SLC2A13: variants seen among roughly 807,000 people sequenced by gnomAD.
The protein encoded by SLC2A13 is proton myo-inositol cotransporter.
Under a neutral mutation model 64.4 loss-of-function variants are expected in SLC2A13, and 32 were observed. That is an observed-to-expected ratio of 0.50 (90% CI 0.37 to 0.67). SLC2A13 has a LOEUF of 0.67. SLC2A13 is among the 30% of genes least tolerant of loss of function. SLC2A13 has a pLI of 0.00. For synonymous variants in SLC2A13, 338 were observed against 327.1 expected (o/e 1.03, Z -0.36); for missense variants, 743 against 829.2 (o/e 0.90, Z 1.28).
intron 2 of SLC2A13, among the ~76,000 whole-genome samples, chr12:40,032,533 A>C (rs1213246790): frequency 6.6e-6 from 1 of 152,202 alleles, no homozygotes; most frequent in African/African-American, 2.4e-5. Context: ...GCTGTCAACA[A>C]AGAACAATCC....
chr12:40,062,504 A>C (rs1948438820), intron 1 of SLC2A13, among the ~76,000 whole-genome samples: 1 of 152,074 alleles, frequency 6.6e-6, no homozygotes, highest in African/African-American at 2.4e-5. Flanking sequence ...ATATCTGAGG[A>C]CTATCAGGAA....
At chr12:39,890,520 T>C (rs1436671777) in intron 4 of SLC2A13, among the ~76,000 whole-genome samples, 1 of 152,092 alleles carries the variant, frequency 6.6e-6, no homozygotes, top group Admixed American at 6.6e-5. Flanking sequence ...AGCATGAGAG[T>C]CTTAATAGTA....
intron 4 of SLC2A13, chr12:39,950,067 A>C (rs1432816051): frequency 6.6e-6 from 1 of 152,256 alleles, no homozygotes; most frequent in Admixed American, 6.5e-5. Context: ...TTGAAGTTCA[A>C]CAGGGATTAT....
chr12:39,962,864 C>A (rs1161144253), intron 3 of SLC2A13, among the ~76,000 whole-genome samples: 2 of 152,166 alleles, frequency 1.3e-5, no homozygotes, highest in African/African-American at 4.8e-5. Context: ...CTTCCCTGAG[C>A]TCCAGGTGTT....
intron 6 of SLC2A13, among the ~76,000 whole-genome samples, chr12:39,834,367 C>T (rs1270678363): frequency 1.3e-5 from 2 of 152,080 alleles, no homozygotes; most frequent in African/African-American, 2.4e-5. Flanking sequence ...CTCTTTTCCT[C>T]CAGGCTCTGA....
At chr12:39,956,693 G>T (rs1946318916) in intron 3 of SLC2A13, among the ~76,000 whole-genome samples, 1 of 152,172 alleles carries the variant, frequency 6.6e-6, no homozygotes, top group Admixed American at 6.5e-5. Flanking sequence ...AACTGCCAAT[G>T]ATGAAGCCCC....
chr12:40,019,777 C>T (rs1176157880), intron 3 of SLC2A13, among the ~76,000 whole-genome samples: 1 of 152,102 alleles, frequency 6.6e-6, no homozygotes, highest in Non-Finnish European at 1.5e-5. Flanking sequence ...CAGTGGGAAT[C>T]ATTTTCAAGG....
intron 3 of SLC2A13, among the ~76,000 whole-genome samples, chr12:39,978,876 A>G (rs1185875751): frequency 6.6e-6 from 1 of 150,916 alleles, no homozygotes; most frequent in Non-Finnish European, 1.5e-5. Flanking sequence ...GGCAGGGCAC[A>G]GACAAACAAA....
chr12:39,763,988 A>G (rs1940256319), intron 9 of SLC2A13, among the ~76,000 whole-genome samples: 1 of 152,134 alleles, frequency 6.6e-6, no homozygotes, highest in South Asian at 2.1e-4. Context: ...AGGTATGGCC[A>G]CAGCACAGCA....
intron 7 of SLC2A13, among the ~76,000 whole-genome samples, chr12:39,793,787 T>C (rs1281396767): frequency 6.6e-6 from 1 of 152,106 alleles, no homozygotes; most frequent in Non-Finnish European, 1.5e-5. Context: ...AAATGCATAA[T>C]TTCTAGGGTC....
intron 3 of SLC2A13, among the ~76,000 whole-genome samples, chr12:39,991,660 C>T (rs1431115339): frequency 4.6e-5 from 7 of 152,210 alleles, no homozygotes; most frequent in Non-Finnish European, 5.9e-5. Context: ...TGGACCCCCA[C>T]CCATCCACAG....
At chr12:39,886,047 T>C (rs1401111183) in intron 4 of SLC2A13, among the ~76,000 whole-genome samples, 2 of 152,212 alleles carry the variant, frequency 1.3e-5, no homozygotes, top group African/African-American at 4.8e-5. Flanking sequence ...CTTCTTCATG[T>C]GTTTAAGCCC....
chr12:39,911,613 T>C (rs1318984716), intron 4 of SLC2A13, among the ~76,000 whole-genome samples: 37 of 152,090 alleles, frequency 2.4e-4, no homozygotes, highest in Admixed American at 2.4e-3. Context: ...CAAATTCACA[T>C]TTTTCCCCTT....
At position 39,803,888 on chromosome 12, in the gene SLC2A13, C is replaced by T. The variant is rs150208818; in HGVS notation, c.1445+26215G>A. On this transcript the variant is annotated intron_variant, in intron 7 of 9. Coordinates refer to ENST00000280871, the MANE Select transcript of SLC2A13 (RefSeq NM_052885.4). ...GAATCTTCATATTTAGGAAGGACAA[C>T]GATCCCTTCCCAAGATAAATAAAAT... Among the ~76,000 whole-genome samples the T allele has an allele frequency of 9.6e-4, 146 of 152,060 alleles. 1 individual carries two copies. Among genetic ancestry groups the T allele is most frequent in the African/African-American group, 3.1e-3 (129 of 41,478 alleles).
At position 40,105,174 on chromosome 12, in the gene SLC2A13, G is replaced by A. The variant is rs1050526401; in HGVS notation, c.556+79C>T. On this transcript the variant is annotated intron_variant, in intron 1 of 9. Transcript: ENST00000280871. The surrounding 1 kb of genome is among the most constrained non-coding windows in gnomAD (Gnocchi z 4.2). ...TGGGAGACCAGACGGGGACCCCGAT[G>A]GGCAAGAGGCACGCAACACCCAGGG... 2.4e-5 allele frequency: 34 copies of A among 1,428,820 alleles called. No homozygotes were observed. The highest frequency in any genetic ancestry group is 2.9e-5 in the Non-Finnish European group (32 of 1,096,950). The allele number at this position is 1,428,820 out of a possible 1,614,324, so 88.5% of individuals were successfully genotyped here.
At chr12:39,985,676 T>C (rs773023077) in intron 3 of SLC2A13, among the ~76,000 whole-genome samples, 4 of 152,062 alleles carry the variant, frequency 2.6e-5, no homozygotes, top group Non-Finnish European at 4.4e-5. Flanking sequence ...AAATGAAATG[T>C]TTACAAAATC....
chr12:39,860,098 G>T (rs1203076641), intron 6 of SLC2A13, among the ~76,000 whole-genome samples: 3 of 152,160 alleles, frequency 2.0e-5, no homozygotes, highest in Non-Finnish European at 4.4e-5. Flanking sequence ...AACTCCTAAA[G>T]AACTGTGTTA....
At chr12:40,003,979 G>A (rs1244943325) in intron 3 of SLC2A13, among the ~76,000 whole-genome samples, 1 of 150,946 alleles carries the variant, frequency 6.6e-6, no homozygotes, top group African/African-American at 2.4e-5. Context: ...GGCAATGAGA[G>A]CAAAACTCCA....
intron 6 of SLC2A13, among the ~76,000 whole-genome samples, chr12:39,863,552 A>G (rs981399013): frequency 2.6e-5 from 4 of 152,182 alleles, no homozygotes; most frequent in African/African-American, 9.6e-5. Flanking sequence ...TTAAAAACAT[A>G]TAAGTAAAAT....
Sources: gnomAD v4.1 joint callset for allele counts (sites outside exome capture counted in the v4.1 genomes callset) on GRCh38, gnomAD v4.1.1 for gene constraint, Gnocchi (gnomAD v3.1) non-coding constraint, MANE v1.5 for transcripts, NCBI Gene and HGNC (gene_info 2026-07-23, HGNC 2026-07-21) for gene names.